MINAR1: variants seen among roughly 807,000 people sequenced by gnomAD.
MINAR1 encodes membrane integral NOTCH2 associated receptor 1, also known as major intrinsically disordered Notch2-binding receptor 1.
A neutral mutation model predicts 65.1 loss-of-function variants in MINAR1; 40 were observed. The observed-to-expected ratio is 0.61, with a 90% CI of 0.48 to 0.80. MINAR1 has a LOEUF of 0.80. MINAR1 is among the 30% of genes least tolerant of loss of function. The pLI, the probability that MINAR1 is intolerant of heterozygous loss-of-function variation, is 0.00. For synonymous variants in MINAR1, 482 were observed against 449.1 expected, an observed-to-expected ratio of 1.07 and a Z score of -0.93; for missense variants, 1,128 against 1,148.0, an observed-to-expected ratio of 0.98 and a Z score of 0.25.
rs1437676117 is a variant in MINAR1 at position 79,469,924 on chromosome 15, C to T, written c.*1540C>T. 1.3e-5 allele frequency: 2 copies of T among 152,614 alleles called. No individual in the cohort carries two copies. Among genetic ancestry groups the T allele is most frequent in the East Asian group, 1.9e-4 (1 of 5,202 alleles). 9.5% of individuals were successfully genotyped at this position (152,614 alleles called of 1,614,324 possible). On this transcript the variant is annotated 3_prime_UTR_variant, in exon 4 of 4. Transcript: ENST00000305428. ...AATTTTTAAAGCAATAGGAGTCTAGCATCCATTCTGAAAAATCGCAAATAA... is the reference window on the plus strand; with the variant it reads ...AATTTTTAAAGCAATAGGAGTCTAGTATCCATTCTGAAAAATCGCAAATAA...
chr15:79,468,390 G>T lies in MINAR1; in HGVS notation c.*6G>T, dbSNP rs774161398. ...TCTGCACAATGAAATCATGAGCTAA[G>T]AATGCAACCTTACGTACAGCTTATG... On this transcript the variant is annotated 3_prime_UTR_variant, in exon 4 of 4. Transcript: ENST00000305428. The T allele has an allele frequency of 6.2e-7, 1 of 1,613,246 alleles. No individual in the cohort carries two copies. The highest frequency in any genetic ancestry group is 8.5e-7 in the Non-Finnish European group (1 of 1,179,580).
At chr15:79,454,407 G>A (rs1006773461) in intron 1 of MINAR1, among the ~76,000 whole-genome samples, 1 of 152,176 alleles carries the variant, frequency 6.6e-6, no homozygotes, top group East Asian at 1.9e-4. Context: ...TAGAAAATGG[G>A]TTGGGTACAT....
At position 79,470,590 on chromosome 15, in the gene MINAR1, C is replaced by T. The variant is rs2141316047; in HGVS notation, c.*2206C>T. The T allele has an allele frequency of 1.3e-5, 2 of 152,304 alleles. No homozygotes were observed. Among genetic ancestry groups the T allele is most frequent in the Middle Eastern group, 3.4e-3 (1 of 294 alleles). 9.4% of individuals were successfully genotyped at this position (152,304 alleles called of 1,614,324 possible). A position where few individuals can be genotyped will look rare whatever the true frequency, so the allele number is the denominator to read the frequency against. ...TAGTGGACCCCATTTGGGCATGTGC[C>T]TAGCTACCTTGGGAAGGCATGACTA... On this transcript the variant is annotated 3_prime_UTR_variant, in exon 4 of 4. Coordinates refer to ENST00000305428, the MANE Select transcript of MINAR1 (RefSeq NM_015206.3).
intron 2 of MINAR1, among the ~76,000 whole-genome samples, chr15:79,458,702 A>G (rs775284447): frequency 3.3e-5 from 5 of 152,188 alleles, no homozygotes; most frequent in Admixed American, 6.5e-5. Context: ...GTTGGGATTC[A>G]TTAGACAGGT....
At chr15:79,454,308 C>G (rs1595944486) in intron 1 of MINAR1, among the ~76,000 whole-genome samples, 2 of 152,140 alleles carry the variant, frequency 1.3e-5, no homozygotes, top group African/African-American at 4.8e-5. Context: ...TTTATAGAAG[C>G]CTATTGGGAG....
At chr15:79,427,073 G>A in the MINAR1 span, 2 of 152,226 alleles carry the variant, frequency 1.3e-5, no homozygotes, top group African/African-American at 2.4e-5. Flanking sequence ...ATGCACCATG[G>A]AATACTATGC....
intron 2 of MINAR1, among the ~76,000 whole-genome samples, chr15:79,461,630 C>T (rs1049061298): frequency 6.6e-6 from 1 of 152,178 alleles, no homozygotes. Flanking sequence ...TTCTCTGTGT[C>T]AGTGTCAGCA....
intron 2 of MINAR1, among the ~76,000 whole-genome samples, chr15:79,460,399 G>A (rs1895603681): frequency 6.6e-6 from 1 of 152,170 alleles, no homozygotes; most frequent in African/African-American, 2.4e-5. Context: ...TTTCCATTCT[G>A]GGAGGGGTGA....
chr15:79,456,694 A>C lies in MINAR1; in HGVS notation c.547A>C (p.Lys183Gln). 1 of 1,614,162 alleles carries C rather than the reference A, an allele frequency of 6.2e-7. No homozygotes were observed. Among genetic ancestry groups the C allele is most frequent in the Non-Finnish European group, 8.5e-7 (1 of 1,180,042 alleles). ...GCCTAACTTCCTGTTGGGAGTTAGC[A>C]AAGAGGTGAAAAACCGCGCCGCTTC... ...SEPNFLLGVS[K>Q]EVKNRAASLD... is the part of the protein sequence containing the mutation. The change falls in exon 2 of 4, where the codon AAA becomes CAA. Residue 183 changes from lysine to glutamine, a missense_variant. Physicochemically the swap from Lys to Gln is moderately conservative, Grantham distance 53. Transcript: ENST00000305428.
At chr15:79,412,311 G>C in the MINAR1 span, 1 of 152,124 alleles carries the variant, frequency 6.6e-6, no homozygotes, top group Non-Finnish European at 1.5e-5. Context: ...TGCCACTGCT[G>C]CTGGCATGAG....
chr15:79,467,001 C>G (rs1895887399), intron 3 of MINAR1, among the ~76,000 whole-genome samples: 1 of 152,166 alleles, frequency 6.6e-6, no homozygotes, highest in South Asian at 2.1e-4. Flanking sequence ...TGGCTGAACC[C>G]CCATGGGAGC....
In MINAR1 at chr15:79,456,577, A is replaced by T. The variant is rs560398605; in HGVS notation, c.430A>T (p.Arg144Trp). ...GCCCCTGAACTGTGAGCTGAGTGAGAGGTCTTTCAGCCGGGGCTACCCCAT... is the reference window on the plus strand; with the variant it reads ...GCCCCTGAACTGTGAGCTGAGTGAGTGGTCTTTCAGCCGGGGCTACCCCAT... ...CEPLNCELSE[R>W]SFSRGYPIRQ... The change falls in exon 2 of 4, where the codon AGG becomes TGG. Residue 144 changes from arginine (R) to tryptophan (W), a missense_variant. Transcript: ENST00000305428. The T allele has an allele frequency of 4.0e-5, 65 of 1,614,140 alleles. No individual in the cohort carries two copies. The South Asian group carries it at 7.0e-4, about 17-fold the overall frequency.
rs750508294 is a variant in MINAR1, at chr15:79,468,336, C to G, written c.2703C>G (p.Cys901Trp). The G allele has an allele frequency of 1.9e-6, 3 of 1,614,120 alleles. No homozygotes were observed. The highest frequency in any genetic ancestry group is 3.3e-4 in the Middle Eastern group (2 of 6,062). ...CTGCTCTGATCGCTGCTGCGGCATG[C>G]ACCGTCATCCTCGTTATTGTCGTGC... ...KIAALIAAAA[C>W]TVILVIVVPI... The change falls in exon 4 of 4, where the codon TGC becomes TGG. Residue 901 changes from cysteine (C) to tryptophan (W), a missense_variant. Physicochemically the swap from Cys to Trp is radical, Grantham distance 215. Coordinates refer to ENST00000305428, the MANE Select transcript of MINAR1 (RefSeq NM_015206.3).
chr15:79,429,045 G>A (rs1383873887), upstream of MINAR1, among the ~76,000 whole-genome samples: 5 of 152,162 alleles, frequency 3.3e-5, no homozygotes, highest in East Asian at 9.6e-4. Context: ...AGAGAATTTG[G>A]GGGGCACTGG....
intron 1 of MINAR1, among the ~76,000 whole-genome samples, chr15:79,446,470 A>G (rs1595937671): frequency 6.6e-6 from 1 of 152,108 alleles, no homozygotes. Context: ...AATAGTTTAC[A>G]TGGTAATAAA....
In MINAR1 at chr15:79,456,249, C is replaced by G. The variant is rs1186721132; in HGVS notation, c.102C>G (p.Leu34=). The G allele has an allele frequency of 1.2e-6, 2 of 1,614,176 alleles. No individual in the cohort carries two copies. The highest frequency in any genetic ancestry group is 2.2e-5 in the South Asian group (2 of 91,082). ...TVSYQDLCKS[L]CARFDLSQLA... is the part of the protein sequence containing the mutation. Reference sequence around the variant, plus strand: ...CTTATCAGGACCTGTGCAAATCTCTCTGTGCCCGGTTCGACCTGTCGCAGC... The same window carrying G: ...CTTATCAGGACCTGTGCAAATCTCTGTGTGCCCGGTTCGACCTGTCGCAGC... Residue 34 remains leucine, a synonymous_variant, in exon 2 of 4, where the codon CTC becomes CTG. Transcript: ENST00000305428.
In MINAR1 at chr15:79,434,921, G is replaced by A. The variant is rs28603350; in HGVS notation, c.-51+2381G>A. ...GAGTATCAGACTAGATCATGGATTT[G>A]TTTCCCCTCTTTTTCCCCTTCTCTC... On this transcript the variant is annotated intron_variant, in intron 1 of 3. Coordinates refer to ENST00000305428, the MANE Select transcript of MINAR1 (RefSeq NM_015206.3). Among the ~76,000 whole-genome samples, 95 of 152,268 alleles carry A rather than the reference G, an allele frequency of 6.2e-4. 1 individual carries two copies. Among genetic ancestry groups the A allele is most frequent in the African/African-American group, 2.2e-3 (92 of 41,550 alleles).
chr15:79,416,698 T>C, the MINAR1 span: 1 of 152,124 alleles, frequency 6.6e-6, no homozygotes, highest in Non-Finnish European at 1.5e-5. Flanking sequence ...AATCTAACAA[T>C]CGACCCCTGA....
At chr15:79,444,518 C>G (rs74530089) in intron 1 of MINAR1, among the ~76,000 whole-genome samples, 2,173 of 152,070 alleles carry the variant, frequency 0.014, 51 homozygotes, top group African/African-American at 0.049. Context: ...GAGTGGGATG[C>G]TTAGCTCATT....
Sources: gnomAD v4.1 joint callset for allele counts (sites outside exome capture counted in the v4.1 genomes callset) on GRCh38, gnomAD v4.1.1 for gene constraint, MANE v1.5 for transcripts, NCBI Gene and HGNC (gene_info 2026-07-23, HGNC 2026-07-21) for gene names.